Variants in WDR77 observed in about 807,000 individuals in gnomAD.
The protein encoded by WDR77 is WD repeat domain 77.
A neutral mutation model predicts 44.0 loss-of-function variants in WDR77; 31 were observed. The ratio of observed to expected loss-of-function variants is 0.70; its 90% CI spans 0.53 to 0.95. The LOEUF (loss-of-function observed/expected upper bound fraction) is 0.95, where lower values mean the gene tolerates loss of function less well. Among genes scored for constraint, WDR77 ranks in the 40% least tolerant of loss-of-function variants. The probability of loss-of-function intolerance (pLI) is 0.00; values close to 1 mark genes in which losing one functional copy is unlikely to be tolerated. For missense variants in WDR77, 390 were observed against 423.9 expected (o/e 0.92, Z 0.70); for synonymous variants, 186 against 165.7 (o/e 1.12, Z -0.94).
At chr1:111,441,526 C>A in intron 9 of WDR77, 137 bp from the exon 10 acceptor site, 1 of 1,320,748 alleles carries the variant, frequency 7.6e-7, no homozygotes, top group Non-Finnish European at 9.7e-7. Context: ...GCCTCATCGC[C>A]AGGATAGCAG....
intron 9 of WDR77, among the ~76,000 whole-genome samples, chr1:111,441,811 C>G (rs779550771): frequency 6.6e-6 from 1 of 152,166 alleles, no homozygotes; most frequent in Non-Finnish European, 1.5e-5. Flanking sequence ...CTACCACCCC[C>G]CTCTACCAAG....
rs779964177 is a variant in WDR77 at position 111,449,229 on chromosome 1, G to T, written c.-60C>A. 8 of 1,535,238 alleles carry T rather than the reference G, an allele frequency of 5.2e-6. No homozygotes were observed. Among genetic ancestry groups the T allele is most frequent in the Non-Finnish European group, 6.1e-6 (7 of 1,146,306 alleles). ...GGACGCCGGCCGGAGACTCCGCTCC[G>T]GCAGCAAACCCCACGTGGTGCACCT... On this transcript the variant is annotated 5_prime_UTR_variant, in exon 1 of 10. Transcript: ENST00000235090.
Position 111,440,976 on chromosome 1 carries a change from C to T in WDR77, c.*254G>A. The T allele has an allele frequency of 3.6e-6, 1 of 279,200 alleles. No homozygotes were observed. Among genetic ancestry groups the T allele is most frequent in the Non-Finnish European group, 6.6e-6 (1 of 152,470 alleles). 17.3% of individuals were successfully genotyped at this position (279,200 alleles called of 1,614,324 possible). ...GTAGGATGGATTTTTTTTATTCCTG[C>T]CACTACCAAAAACTATAAATCTACA... On this transcript the variant is annotated 3_prime_UTR_variant, in exon 10 of 10. Coordinates refer to ENST00000235090, the MANE Select transcript of WDR77 (RefSeq NM_024102.4).
In WDR77 at chr1:111,444,267, A is replaced by T. The variant is rs908936997; in HGVS notation, c.494-143T>A. On this transcript the variant is annotated intron_variant, in intron 4 of 9. Transcript: ENST00000235090. ...TAACAAATTTTGTGGGAGATTATGGATTAGACAAAAGCTAAGAGGAGAAGT... is the reference window on the plus strand; with the variant it reads ...TAACAAATTTTGTGGGAGATTATGGTTTAGACAAAAGCTAAGAGGAGAAGT... 3.5e-5 allele frequency: 26 copies of T among 739,298 alleles called. No individual in the cohort carries two copies. In the Admixed American group the frequency reaches 5.5e-4, roughly 16 times the overall value. The allele number at this position is 739,298 out of a possible 1,614,324, so 45.8% of individuals were successfully genotyped here.
intron 4 of WDR77, 25 bp downstream of exon 4, chr1:111,447,070 G>C: frequency 6.2e-7 from 1 of 1,613,496 alleles, no homozygotes; most frequent in Non-Finnish European, 8.5e-7. Flanking sequence ...GCTAACACCA[G>C]GGCTAAAAAT....
rs1465622550 is a variant in WDR77 at position 111,449,038 on chromosome 1, C to A, written c.115+17G>T. 11 of 1,568,214 alleles carry A rather than the reference C, an allele frequency of 7.0e-6. No homozygotes were observed. The highest frequency in any genetic ancestry group is 2.3e-5 in the South Asian group (2 of 85,816). On this transcript the variant is annotated intron_variant, in intron 1 of 9. Transcript: ENST00000235090. ...GGCCGGGGTAAGGGAGCTCCCAGGC[C>A]CGGGATCTCGGCTCACCGGACCGGT...
intron 6 of WDR77, 136 bp from the exon 7 acceptor site, chr1:111,443,530 C>T: frequency 2.4e-6 from 3 of 1,272,066 alleles, no homozygotes; most frequent in South Asian, 3.0e-5. Context: ...TGTCCTCATC[C>T]TTGAGCCTCA....
At chr1:111,441,649 A>C in intron 9 of WDR77, 2 of 1,217,102 alleles carry the variant, frequency 1.6e-6, no homozygotes, top group Admixed American at 7.5e-5. Context: ...CAGGCAGCAA[A>C]TCACGGCAAG....
At chr1:111,443,227 C>A in intron 7 of WDR77, 96 bp downstream of exon 7, 1 of 1,258,224 alleles carries the variant, frequency 7.9e-7, no homozygotes. Flanking sequence ...AGGGCTAAGA[C>A]TGAGCAACAA....
chr1:111,442,572 G>T, intron 8 of WDR77, 81 bp downstream of exon 8: 1 of 958,392 alleles, frequency 1.0e-6, no homozygotes, highest in Non-Finnish European at 1.5e-6. Flanking sequence ...TACTTCATCA[G>T]CTAATGCTTT....
intron 9 of WDR77, chr1:111,441,743 G>C: frequency 1.5e-6 from 1 of 648,670 alleles, no homozygotes; most frequent in Non-Finnish European, 2.4e-6. Context: ...TTATGTGAGA[G>C]GGTAGACTGC....
At position 111,449,229 on chromosome 1, in the gene WDR77, G is replaced by GGCAGCAAACCCCACGTGGT. The variant is rs1553195543; in HGVS notation, c.-79_-61dup. 3.3e-6 allele frequency: 5 copies of GGCAGCAAACCCCACGTGGT among 1,535,120 alleles called. No individual in the cohort carries two copies. The highest frequency in any genetic ancestry group is 4.4e-6 in the Non-Finnish European group (5 of 1,146,314). On this transcript the variant is annotated 5_prime_UTR_variant, in exon 1 of 10. Transcript: ENST00000235090. ...GGACGCCGGCCGGAGACTCCGCTCC[G>GGCAGCAAACCCCACGTGGT]GCAGCAAACCCCACGTGGTGCACCT...
chr1:111,442,890 G>A, intron 7 of WDR77, 129 bp from the exon 8 acceptor site: 1 of 567,608 alleles, frequency 1.8e-6, no homozygotes, highest in Non-Finnish European at 3.0e-6. Flanking sequence ...TTGCAAAGTA[G>A]GAATAATAAG....
chr1:111,443,533 G>A, intron 6 of WDR77, 139 bp from the exon 7 acceptor site: 1 of 1,265,120 alleles, frequency 7.9e-7, no homozygotes, highest in African/African-American at 1.5e-5. Flanking sequence ...CCTCATCCTT[G>A]AGCCTCATAA....
At chr1:111,446,575 G>T (rs560192026) in intron 4 of WDR77, among the ~76,000 whole-genome samples, 1 of 152,298 alleles carries the variant, frequency 6.6e-6, no homozygotes, top group East Asian at 1.9e-4. Context: ...AAGACCAAAA[G>T]AGCTAGATTG....
At chr1:111,446,765 G>A (rs780140554) in intron 4 of WDR77, 1 of 225,736 alleles carries the variant, frequency 4.4e-6, no homozygotes. Flanking sequence ...GTGTTGCCAA[G>A]GTGGTGAGGC....
intron 3 of WDR77, 120 bp downstream of exon 3, chr1:111,447,315 T>C: frequency 1.3e-6 from 2 of 1,513,332 alleles, no homozygotes; most frequent in Middle Eastern, 1.8e-4. Context: ...CTTATAGACA[T>C]GCTAAAATAA....
In WDR77 at chr1:111,445,308, A is replaced by G. The variant is rs12071923; in HGVS notation, c.494-1184T>C. Reference sequence around the variant, plus strand: ...TTCCCTGAGGCAGAAGGATGGAATTAAACCAGTTTCCATAGTTCTTTCCTA... The same window carrying G: ...TTCCCTGAGGCAGAAGGATGGAATTGAACCAGTTTCCATAGTTCTTTCCTA... On this transcript the variant is annotated intron_variant, in intron 4 of 9. Coordinates refer to ENST00000235090, the MANE Select transcript of WDR77 (RefSeq NM_024102.4). Among the ~76,000 whole-genome samples, 648 of 152,370 alleles carry G rather than the reference A, an allele frequency of 4.3e-3. 9 individuals carry two copies. The highest frequency in any genetic ancestry group is 0.015 in the African/African-American group (620 of 41,586).
chr1:111,447,328 C>G, intron 3 of WDR77, 107 bp downstream of exon 3: 1 of 1,534,816 alleles, frequency 6.5e-7, no homozygotes, highest in Non-Finnish European at 8.9e-7. Flanking sequence ...TAAAATAAGT[C>G]ACTGGATTCT....
Sources: allele counts gnomAD v4.1 joint callset (sites outside exome capture counted in the v4.1 genomes callset), GRCh38; gene constraint gnomAD v4.1.1; transcripts MANE v1.5; gene names NCBI Gene and HGNC (gene_info 2026-07-23, HGNC 2026-07-21).